The following DCDC1 variants were observed in gnomAD, a reference collection of about 807,000 sequenced individuals.
DCDC1 encodes the protein doublecortin domain-containing protein 1.
In DCDC1, 200 loss-of-function variants were observed where a neutral mutation model predicts 178.3. That is an observed-to-expected ratio of 1.12 (90% CI 1.00 to 1.26). The LOEUF (loss-of-function observed/expected upper bound fraction) is 1.26, where lower values mean the gene tolerates loss of function less well. Ranked by LOEUF, DCDC1 falls within the 50% of genes most tolerant of loss-of-function variation. The pLI, the probability that DCDC1 is intolerant of heterozygous loss-of-function variation, is 0.00. For missense variants in DCDC1, 1,983 were observed against 1,749.2 expected, an observed-to-expected ratio of 1.13 and a Z score of -2.38; for synonymous variants, 690 against 604.8, an observed-to-expected ratio of 1.14 and a Z score of -2.07.
intron 23 of DCDC1, among the ~76,000 whole-genome samples, chr11:30,924,954 TC>T (rs1565082585): frequency 6.6e-6 from 1 of 151,598 alleles, no homozygotes; most frequent in African/African-American, 2.4e-5. Flanking sequence ...ATGCCTATAA[TC>T]CCAGCTACTC....
At chr11:31,335,396 C>T (rs1241012814) in intron 2 of DCDC1, 51 bp downstream of exon 2, 1 of 152,276 alleles carries the variant, frequency 6.6e-6, no homozygotes, top group African/African-American at 2.4e-5. Context: ...AGCTTCCCCT[C>T]CGTGGGCTGC....
At chr11:31,071,455 G>A (rs909391452) in intron 18 of DCDC1, among the ~76,000 whole-genome samples, 1 of 152,110 alleles carries the variant, frequency 6.6e-6, no homozygotes, top group African/African-American at 2.4e-5. Context: ...GATAAATGTT[G>A]TCAAACTGAC....
At position 30,881,128 on chromosome 11, in the gene DCDC1, A is replaced by G. The variant is rs746192999; in HGVS notation, c.5233+30T>C. ...GATTGAATGCTTTAATTCTTCAAAG[A>G]CTTGATGGAAAAGAAACTATCATGC... On this transcript the variant is annotated intron_variant, in intron 37 of 38. Transcript: ENST00000684477. 1.1e-5 allele frequency: 17 copies of G among 1,610,472 alleles called. No homozygotes were observed. The Middle Eastern group carries it at 6.7e-4, about 63-fold the overall frequency.
At chr11:31,242,730 C>T (rs1305931668) in intron 8 of DCDC1, among the ~76,000 whole-genome samples, 1 of 151,852 alleles carries the variant, frequency 6.6e-6, no homozygotes, top group African/African-American at 2.4e-5. Context: ...AATTGAATTA[C>T]AATTAGGTTC....
chr11:31,342,340 T>C (rs1357838236), intron 1 of DCDC1, among the ~76,000 whole-genome samples: 1 of 152,208 alleles, frequency 6.6e-6, no homozygotes, highest in Non-Finnish European at 1.5e-5. Context: ...TCTAACTATG[T>C]GGCCTTAAGT....
intron 18 of DCDC1, among the ~76,000 whole-genome samples, chr11:31,068,817 A>C (rs981009389): frequency 6.6e-6 from 1 of 152,150 alleles, no homozygotes; most frequent in Non-Finnish European, 1.5e-5. Context: ...AAATGGGAAT[A>C]AAGTTTGAGA....
chr11:31,222,035 C>T (rs763939875), intron 9 of DCDC1, among the ~76,000 whole-genome samples: 5 of 152,012 alleles, frequency 3.3e-5, no homozygotes, highest in Non-Finnish European at 7.4e-5. Flanking sequence ...ATAAGGATTA[C>T]CTTTCCTCTA....
At chr11:31,213,116 T>TCTC (rs1314986589) in intron 9 of DCDC1, among the ~76,000 whole-genome samples, 28 of 76,862 alleles carry the variant, frequency 3.6e-4, no homozygotes, top group Non-Finnish European at 5.6e-4. Flanking sequence ...TCTCTCTCTC[T>TCTC]CTCTCTCTCT....
chr11:30,920,970 A>G, intron 24 of DCDC1, 35 bp from the exon 25 acceptor site: 3 of 1,578,464 alleles, frequency 1.9e-6, no homozygotes, highest in South Asian at 1.2e-5. Context: ...AAGACATATT[A>G]CTTACAATTG....
chr11:31,145,906 T>C (rs2136060418), intron 9 of DCDC1, among the ~76,000 whole-genome samples: 1 of 152,298 alleles, frequency 6.6e-6, no homozygotes, highest in East Asian at 1.9e-4. Context: ...TTCCTTGGCT[T>C]AGTCTATCAA....
At chr11:31,012,124 A>G (rs1192604865) in intron 20 of DCDC1, among the ~76,000 whole-genome samples, 1 of 152,190 alleles carries the variant, frequency 6.6e-6, no homozygotes, top group South Asian at 2.1e-4. Context: ...TGCCATGATT[A>G]TAAGTTTCCT....
chr11:31,328,737 G>A (rs1011530639), intron 2 of DCDC1, among the ~76,000 whole-genome samples: 3 of 151,448 alleles, frequency 2.0e-5, no homozygotes, highest in African/African-American at 4.9e-5. Flanking sequence ...CAGGAACCCG[G>A]GAGGTGGAGC....
rs569473341 is a variant in DCDC1, at chr11:31,198,719, A to G, written c.1221+42731T>C. On this transcript the variant is annotated intron_variant, in intron 9 of 38. Coordinates refer to ENST00000684477, the MANE Select transcript of DCDC1 (RefSeq NM_001387274.1). The stretch of plus-strand genomic sequence containing the variant: ...CAATTAGAGTGGCCCCTTTCTACCA[A>G]TAGTGAACTGATTAATGCTATCACA... 5.3e-5 allele frequency among the ~76,000 whole-genome samples: 8 copies of G among 152,096 alleles called. No individual in the cohort carries two copies. The South Asian group carries it at 1.7e-3, about 32-fold the overall frequency.
intron 20 of DCDC1, among the ~76,000 whole-genome samples, chr11:30,963,626 T>C (rs1452213595): frequency 1.3e-5 from 2 of 152,118 alleles, no homozygotes; most frequent in East Asian, 1.9e-4. Context: ...TGATAAGAGC[T>C]GGACTAACTG....
intron 21 of DCDC1, chr11:30,944,444 C>A: frequency 2.5e-6 from 1 of 403,416 alleles, no homozygotes; most frequent in South Asian, 1.9e-5. Flanking sequence ...ATTCTGAATG[C>A]CACAATATGA....
intron 2 of DCDC1, among the ~76,000 whole-genome samples, chr11:31,334,132 C>T (rs948536531): frequency 5.3e-5 from 8 of 152,090 alleles, no homozygotes; most frequent in Admixed American, 5.2e-4. Context: ...TTAATTTGAT[C>T]TTCAACCACT....
chr11:31,036,352 C>T (rs569326554), intron 20 of DCDC1, among the ~76,000 whole-genome samples: 2 of 152,254 alleles, frequency 1.3e-5, no homozygotes, highest in East Asian at 3.9e-4. Context: ...GCTCATTTTT[C>T]TCATTTCTTT....
At position 31,155,826 on chromosome 11, in the gene DCDC1, G is replaced by A. The variant is rs978076211; in HGVS notation, c.1222-18042C>T. ...CAAGGGAAGAGCATTCTAGGCAGAG[G>A]AGACATTAGAGTCACCTCGTCCACA... On this transcript the variant is annotated intron_variant, in intron 9 of 38. Coordinates refer to ENST00000684477, the MANE Select transcript of DCDC1 (RefSeq NM_001387274.1). The A allele has an allele frequency of 4.6e-5, 7 of 152,322 alleles. No homozygotes were observed. In the East Asian group the frequency reaches 1.2e-3, roughly 25 times the overall value. The allele number at this position is 152,322 out of a possible 1,614,324, so 9.4% of individuals were successfully genotyped here.
At chr11:30,914,922 T>G (rs1362027676) in intron 27 of DCDC1, among the ~76,000 whole-genome samples, 2 of 152,208 alleles carry the variant, frequency 1.3e-5, no homozygotes, top group Non-Finnish European at 2.9e-5. Context: ...ATAGCCAAGC[T>G]GTTTTATATT....
Sources: gnomAD v4.1 joint callset for allele counts (sites outside exome capture counted in the v4.1 genomes callset) on GRCh38, gnomAD v4.1.1 for gene constraint, MANE v1.5 for transcripts, NCBI Gene and HGNC (gene_info 2026-07-23, HGNC 2026-07-21) for gene names.